The following STPG4 variants were observed in gnomAD, a reference collection of about 807,000 sequenced individuals.
STPG4 encodes protein STPG4.
A neutral mutation model predicts 31.5 loss-of-function variants in STPG4; 41 were observed. That is an observed-to-expected ratio of 1.30 (90% confidence interval 1.01 to 1.69). The LOEUF is 1.69. STPG4 is among the 40% of genes most tolerant of loss of function. STPG4 has a pLI of 0.00. For missense variants in STPG4, 375 were observed against 293.4 expected, an observed-to-expected ratio of 1.28 and a Z score of -2.03; for synonymous variants, 141 against 103.0, an observed-to-expected ratio of 1.37 and a Z score of -2.24.
At chr2:47,138,408 T>G (rs930709942) in intron 3 of STPG4, among the ~76,000 whole-genome samples, 1 of 151,468 alleles carries the variant, frequency 6.6e-6, no homozygotes, top group African/African-American at 2.4e-5. Context: ...TTTTTTTTTT[T>G]GGAGATGGAG....
chr2:47,101,112 C>T (rs576576403), intron 5 of STPG4, among the ~76,000 whole-genome samples: 2 of 151,950 alleles, frequency 1.3e-5, no homozygotes, highest in African/African-American at 4.8e-5. Context: ...CTTTAGCTTG[C>T]TATTCTGTCC....
intron 5 of STPG4, among the ~76,000 whole-genome samples, chr2:47,124,145 G>C (rs1014163334): frequency 1.3e-5 from 2 of 152,010 alleles, no homozygotes; most frequent in Non-Finnish European, 2.9e-5. Context: ...ACCACAGCTG[G>C]CTGATTTTTG....
intron 1 of STPG4, among the ~76,000 whole-genome samples, chr2:47,153,958 A>G (rs815808): frequency 0.75 from 113,475 of 152,120 alleles, 42,939 homozygotes; most frequent in East Asian, 0.9. Flanking sequence ...CCATTCATCC[A>G]TTATTATTTC....
chr2:47,137,393 A>C (rs1281987134), intron 3 of STPG4, among the ~76,000 whole-genome samples: 1 of 152,078 alleles, frequency 6.6e-6, no homozygotes, highest in Non-Finnish European at 1.5e-5. Flanking sequence ...CATTTTGTTG[A>C]GGATTTTTAC....
chr2:47,143,691 T>C (rs1235650733), intron 3 of STPG4, among the ~76,000 whole-genome samples: 4 of 151,986 alleles, frequency 2.6e-5, no homozygotes, highest in Non-Finnish European at 4.4e-5. Context: ...GGTTTCACCG[T>C]GTTAGCCATG....
chr2:47,111,742 G>C (rs1162253209), intron 5 of STPG4, among the ~76,000 whole-genome samples: 2 of 152,144 alleles, frequency 1.3e-5, no homozygotes, highest in Non-Finnish European at 2.9e-5. Context: ...GGCACATGTA[G>C]ATACTCTCCT....
intron 3 of STPG4, among the ~76,000 whole-genome samples, chr2:47,134,072 T>G (rs1686546068): frequency 7.7e-6 from 1 of 130,052 alleles, no homozygotes; most frequent in Non-Finnish European, 1.8e-5. Context: ...ATACTTGACT[T>G]TATTTAGAAC....
rs1686931785 is a variant in STPG4 at position 47,151,353 on chromosome 2, G to C, written c.304C>G (p.Pro102Ala). ...TTCTTTAACAGGTCCAGGAAGTCAGGAGGCATATACTGCGGAAGATCATTT... is the reference window on the plus strand; with the variant it reads ...TTCTTTAACAGGTCCAGGAAGTCAGCAGGCATATACTGCGGAAGATCATTT... The part of the protein sequence containing the change: ...VLNDLPQYMP[P>A]DFLDLLKKQV... The change falls in exon 3 of 7, where the codon CCT becomes GCT. Residue 102 changes from proline to alanine, a missense_variant. Coordinates refer to ENST00000445927, the MANE Select transcript of STPG4 (RefSeq NM_001163561.2). 1.2e-6 allele frequency: 2 copies of C among 1,614,076 alleles called. No homozygotes were observed. Among genetic ancestry groups the C allele is most frequent in the South Asian group, 2.2e-5 (2 of 91,090 alleles).
intron 3 of STPG4, among the ~76,000 whole-genome samples, chr2:47,147,614 T>C (rs1456457388): frequency 6.6e-6 from 1 of 152,126 alleles, no homozygotes; most frequent in Non-Finnish European, 1.5e-5. Context: ...AGAAGCCAGG[T>C]TGTTGAAAGA....
chr2:47,105,456 G>A (rs1027913038), intron 5 of STPG4, among the ~76,000 whole-genome samples: 2 of 152,014 alleles, frequency 1.3e-5, no homozygotes, highest in African/African-American at 4.8e-5. Flanking sequence ...TACTCCTTGA[G>A]GGACTGGTGC....
At chr2:47,106,974 CT>C (rs1685926068) in intron 5 of STPG4, among the ~76,000 whole-genome samples, 2 of 152,044 alleles carry the variant, frequency 1.3e-5, no homozygotes, top group African/African-American at 4.8e-5. Flanking sequence ...GCCTAGAGAC[CT>C]CCCCTCTGGA....
intron 3 of STPG4, among the ~76,000 whole-genome samples, chr2:47,136,100 T>C (rs1366360686): frequency 6.6e-6 from 1 of 152,200 alleles, no homozygotes; most frequent in Non-Finnish European, 1.5e-5. Flanking sequence ...AATATTGATC[T>C]TCCTATCCAC....
intron 5 of STPG4, among the ~76,000 whole-genome samples, chr2:47,118,531 C>T (rs1314914062): frequency 6.6e-6 from 1 of 152,114 alleles, no homozygotes; most frequent in Non-Finnish European, 1.5e-5. Context: ...AAACCATTCC[C>T]CACTCCAACC....
rs192163418 is a variant in STPG4, at chr2:47,090,313, G to A, written c.581C>T (p.Ser194Phe). Residue 194 changes from serine to phenylalanine, a missense_variant, in exon 6 of 7, where the codon TCT (serine) becomes TTT (phenylalanine). Transcript: ENST00000445927. The part of the protein sequence containing the change: ...VKMPPTSSVT[S>F]CFQSRVPRFL... Reference sequence around the variant, plus strand: ...TCGAGGGACTCTGGATTGAAAACAAGAAGTGACAGAGCTTGTTGGAGGCAT... The same window carrying A: ...TCGAGGGACTCTGGATTGAAAACAAAAAGTGACAGAGCTTGTTGGAGGCAT... The A allele has an allele frequency of 1.3e-6, 2 of 1,551,962 alleles. No individual in the cohort carries two copies. Among genetic ancestry groups the A allele is most frequent in the South Asian group, 2.4e-5 (2 of 84,060 alleles).
intron 5 of STPG4, among the ~76,000 whole-genome samples, chr2:47,095,129 T>G (rs546349106): frequency 2.0e-5 from 3 of 152,340 alleles, no homozygotes; most frequent in Non-Finnish European, 2.9e-5. Flanking sequence ...TTCCATTGTG[T>G]TGACATGGCT....
At chr2:47,103,469 C>A (rs1685841890) in intron 5 of STPG4, among the ~76,000 whole-genome samples, 1 of 151,748 alleles carries the variant, frequency 6.6e-6, no homozygotes, top group South Asian at 2.1e-4. Flanking sequence ...TAAGAGGGAC[C>A]AAGAGGAACA....
chr2:47,094,297 T>C (rs1685628874), intron 5 of STPG4, among the ~76,000 whole-genome samples: 1 of 152,224 alleles, frequency 6.6e-6, no homozygotes. Context: ...ACAAAAATTC[T>C]GTCTCCAGGG....
At chr2:47,146,188 C>T (rs1686815123) in intron 3 of STPG4, among the ~76,000 whole-genome samples, 1 of 152,156 alleles carries the variant, frequency 6.6e-6, no homozygotes, top group South Asian at 2.1e-4. Flanking sequence ...ACTCAGAGAT[C>T]ACACTCACTA....
intron 5 of STPG4, among the ~76,000 whole-genome samples, chr2:47,101,250 G>A (rs1359201109): frequency 3.3e-5 from 5 of 151,684 alleles, no homozygotes; most frequent in Admixed American, 6.6e-5. Context: ...AACAACCCCC[G>A]ACTCTTCAGA....
Sources: gnomAD v4.1 joint callset for allele counts (sites outside exome capture counted in the v4.1 genomes callset) on GRCh38, gnomAD v4.1.1 for gene constraint, MANE v1.5 for transcripts, NCBI Gene and HGNC (gene_info 2026-07-23, HGNC 2026-07-21) for gene names.